SMS: variants seen among roughly 807,000 people sequenced by gnomAD.
SMS encodes spermine synthase.
Under a neutral mutation model 33.0 loss-of-function variants are expected in SMS, and 3 were observed. That is an observed-to-expected ratio of 0.09 (90% CI 0.04 to 0.23). The LOEUF (loss-of-function observed/expected upper bound fraction) is 0.23. Ranked by LOEUF, SMS falls within the 10% of genes least tolerant of loss-of-function variation. The pLI, the probability that SMS is intolerant of heterozygous loss-of-function variation, is 1.00. For missense variants in SMS, 117 were observed against 288.6 expected, an observed-to-expected ratio of 0.41 and a Z score of 4.31; for synonymous variants, 103 against 112.2, an observed-to-expected ratio of 0.92 and a Z score of 0.52.
At chrX:21,973,346 A>G (rs1924311680) in intron 4 of SMS, among the ~76,000 whole-genome samples, 1 of 112,402 alleles carries the variant, frequency 8.9e-6, no homozygotes, top group African/African-American at 3.2e-5. Context: ...CTGAGGCAGG[A>G]GAATAGCTTG....
chrX:21,941,432 C>T, intron 1 of SMS: 4 of 172,528 alleles, frequency 2.3e-5, no homozygotes, highest in Admixed American at 8.7e-5. Context: ...GAAAGGTCTG[C>T]GGACGCGCAG....
chrX:21,960,323 A>G (rs1923254901), intron 1 of SMS, among the ~76,000 whole-genome samples: 1 of 110,478 alleles, frequency 9.1e-6, no homozygotes. Context: ...ATAGAAATTC[A>G]TCTCCCAATT....
At chrX:21,979,128 A>G (rs1348381463) in intron 7 of SMS, among the ~76,000 whole-genome samples, 162 bp downstream of exon 7, 1 of 111,585 alleles carries the variant, frequency 9.0e-6, no homozygotes, top group Non-Finnish European at 1.9e-5. Flanking sequence ...TTTAGGGTGC[A>G]CACGTACCAA....
In SMS at chrX:21,973,587, G is replaced by A. The variant is rs182476021; in HGVS notation, c.329+1016G>A. 4.1e-3 allele frequency among the ~76,000 whole-genome samples: 459 copies of A among 113,021 alleles called. 3 individuals carry two copies. Among genetic ancestry groups the A allele is most frequent in the African/African-American group, 0.014 (442 of 31,135 alleles). Reference sequence around the variant, plus strand: ...GTGATAAGAAAATTTGCCTCAAGGCGTTCAAAGAAGAAAACTTTCCAAGAT... The same window carrying A: ...GTGATAAGAAAATTTGCCTCAAGGCATTCAAAGAAGAAAACTTTCCAAGAT... On this transcript the variant is annotated intron_variant, in intron 4 of 10. Coordinates refer to ENST00000404933, the MANE Select transcript of SMS (RefSeq NM_004595.5).
intron 1 of SMS, among the ~76,000 whole-genome samples, chrX:21,951,889 A>G (rs1407295425): frequency 1.8e-5 from 2 of 111,657 alleles, no homozygotes; most frequent in Non-Finnish European, 3.8e-5. Context: ...ACATCTGCTC[A>G]TTTTACACTA....
chrX:21,965,620 C>T lies in SMS; in HGVS notation c.50-1576C>T, dbSNP rs1449120521. On this transcript the variant is annotated intron_variant, in intron 1 of 10. Coordinates refer to ENST00000404933, the MANE Select transcript of SMS (RefSeq NM_004595.5). ...AAAAAAAGCCGGGCGTGGTGGCGGG[C>T]GCCTGTAGTCCTAGCTACTCGGGAG... Among the ~76,000 whole-genome samples, 13 of 93,730 alleles carry T rather than the reference C, an allele frequency of 1.4e-4. No homozygotes were observed. In the East Asian group the frequency reaches 2.5e-3, roughly 18 times the overall value. 81.4% of individuals were successfully genotyped at this position (93,730 alleles called of 115,157 possible).
chrX:21,972,460 C>A, intron 3 of SMS, 47 bp from the exon 4 acceptor site: 1 of 878,685 alleles, frequency 1.1e-6, no homozygotes, highest in Non-Finnish European at 1.7e-6. Flanking sequence ...TTTAGTTCTT[C>A]CATGCAGCTT....
Position 21,994,622 on chromosome X carries a change from G to T in SMS, c.*271G>T, listed in dbSNP as rs1925968489. The T allele has an allele frequency of 5.6e-6, 5 of 892,854 alleles. No individual in the cohort carries two copies. The South Asian group carries it at 2.7e-4, about 48-fold the overall frequency. 73.6% of individuals were successfully genotyped at this position (892,854 alleles called of 1,213,427 possible). A position where few individuals can be genotyped will look rare whatever the true frequency, so the allele number is the denominator to read the frequency against. On this transcript the variant is annotated 3_prime_UTR_variant, in exon 11 of 11. Transcript: ENST00000404933. ...CCCCCCCCATTAGAATGTGATTTTT[G>T]TTCCTTTTTATTTCTCTGTGGGCTT...
rs1337422670 is a variant in SMS at position 21,940,817 on chromosome X, G to A, written c.-8G>A. Reference sequence around the variant, plus strand: ...TCCCCCAGGCATGGCACAGGGCCTCGCCTCACTATGGCAGCAGCACGGCAC... The same window carrying A: ...TCCCCCAGGCATGGCACAGGGCCTCACCTCACTATGGCAGCAGCACGGCAC... On this transcript the variant is annotated 5_prime_UTR_variant, in exon 1 of 11. Coordinates refer to ENST00000404933, the MANE Select transcript of SMS (RefSeq NM_004595.5). The A allele has an allele frequency of 1.1e-4, 126 of 1,119,562 alleles. No homozygotes were observed. Among genetic ancestry groups the A allele is most frequent in the Non-Finnish European group, 1.5e-4 (124 of 854,027 alleles). 92.3% of individuals were successfully genotyped at this position (1,119,562 alleles called of 1,213,427 possible).
rs1924581192 is a variant in SMS, at chrX:21,977,077, C to T, written c.346C>T (p.Arg116Ter). 8.3e-7 allele frequency: 1 copy of T among 1,208,458 alleles called. No homozygotes were observed. The highest frequency in any genetic ancestry group is 1.1e-6 in the Non-Finnish European group (1 of 893,652). The change falls in exon 5 of 11, where the codon CGA becomes TGA. Residue 116 changes from arginine (R) to a stop codon, truncating the protein, a stop_gained. Coordinates refer to ENST00000404933, the MANE Select transcript of SMS (RefSeq NM_004595.5). LOFTEE classifies it high-confidence loss of function. ...GRVKRLPPIV[R>*]GGAIDRYWPT... ...TTTTTCCAGATTACCACCCATAGTG[C>T]GAGGAGGAGCCATCGACAGATACTG...
intron 7 of SMS, among the ~76,000 whole-genome samples, chrX:21,983,612 A>G (rs1925130497): frequency 8.9e-6 from 1 of 111,855 alleles, no homozygotes; most frequent in African/African-American, 3.2e-5. Context: ...GCTGTTATAT[A>G]TAGCTTTATT....
chrX:21,974,401 A>G (rs1017746120), intron 4 of SMS, among the ~76,000 whole-genome samples: 18 of 111,944 alleles, frequency 1.6e-4, no homozygotes, highest in Admixed American at 8.5e-4. Flanking sequence ...GTCCCCAGCC[A>G]TGTCTCTTAC....
At chrX:21,970,829 A>G (rs1234130942) in intron 2 of SMS, among the ~76,000 whole-genome samples, 3 of 105,833 alleles carry the variant, frequency 2.8e-5, no homozygotes, top group Non-Finnish European at 5.8e-5. Context: ...TTTTTCAAAC[A>G]TTTCTTTACC....
chrX:21,962,913 C>G (rs1923460676), intron 1 of SMS, among the ~76,000 whole-genome samples: 2 of 110,994 alleles, frequency 1.8e-5, no homozygotes, highest in African/African-American at 6.6e-5. Flanking sequence ...CCTTGACCTC[C>G]TAAAGTGTTG....
At chrX:21,981,576 G>A (rs183010556) in intron 7 of SMS, among the ~76,000 whole-genome samples, 1,328 of 111,762 alleles carry the variant, frequency 0.012, 12 homozygotes, top group Middle Eastern at 0.028. Context: ...AATGTCAAAG[G>A]AACTTGAACA....
intron 1 of SMS, among the ~76,000 whole-genome samples, chrX:21,953,692 T>C (rs182078714): frequency 8.9e-6 from 1 of 112,500 alleles, no homozygotes; most frequent in Non-Finnish European, 1.9e-5. Flanking sequence ...TTGCCACATT[T>C]ATGTGTGTAG....
In SMS at chrX:21,941,722, TA is replaced by T. The variant is rs756586543; in HGVS notation, c.49+854del. On this transcript the variant is annotated intron_variant, in intron 1 of 10. Coordinates refer to ENST00000404933, the MANE Select transcript of SMS (RefSeq NM_004595.5). ...CAACATGGTGAAACCCCGTCTCTTC[TA>T]AAAATACAAAAATTAGCCGGGCGTG... Among the ~76,000 whole-genome samples, 5 of 106,159 alleles carry T rather than the reference TA, an allele frequency of 4.7e-5. No homozygotes were observed. In the South Asian group the frequency reaches 2.2e-3, roughly 46 times the overall value. The allele number at this position is 106,159 out of a possible 115,157, so 92.2% of individuals were successfully genotyped here.
At chrX:21,940,942 G>GGTCGGGC (rs2014520324) in intron 1 of SMS, 69 bp downstream of exon 1, 2 of 700,255 alleles carry the variant, frequency 2.9e-6, no homozygotes, top group East Asian at 6.8e-5. Context: ...CTGGGGCGGG[G>GGTCGGGC]GTCGGGCGTG....
intron 6 of SMS, 140 bp from the exon 7 acceptor site, chrX:21,978,737 C>T: frequency 1.9e-6 from 1 of 530,293 alleles, no homozygotes; most frequent in African/African-American, 2.3e-5. Context: ...AATAAAGTCA[C>T]TGCCTCATTC....
Sources: allele counts gnomAD v4.1 joint callset (sites outside exome capture counted in the v4.1 genomes callset), GRCh38; gene constraint gnomAD v4.1.1; transcripts MANE v1.5; gene names NCBI Gene and HGNC (gene_info 2026-07-23, HGNC 2026-07-21).